The following CDK14 variants were observed in gnomAD, a reference collection of about 807,000 sequenced individuals.
CDK14 encodes cyclin-dependent kinase 14.
CDK14 carries 34 observed loss-of-function variants against 60.7 expected under a neutral mutation model. That is an observed-to-expected ratio of 0.56 (90% CI 0.43 to 0.75). The LOEUF is 0.75. Among genes scored for constraint, CDK14 ranks in the 30% least tolerant of loss-of-function variants. The probability of loss-of-function intolerance (pLI) is 0.00; values close to 1 mark genes in which losing one functional copy is unlikely to be tolerated. For synonymous variants in CDK14, 197 were observed against 203.7 expected, an observed-to-expected ratio of 0.97 and a Z score of 0.28; for missense variants, 482 against 564.1, an observed-to-expected ratio of 0.85 and a Z score of 1.47.
rs369158804 is a variant in CDK14 at position 90,634,167 on chromosome 7, G to T, written c.123+29918G>T. Among the ~76,000 whole-genome samples, 16 of 151,452 alleles carry T rather than the reference G, an allele frequency of 1.1e-4. 1 individual carries two copies. The South Asian group carries it at 3.1e-3, about 30-fold the overall frequency. ...ATTATTATTATACTTTAAGTTTTAG[G>T]GTACATGTGCACAATGTGCAGGTTA... On this transcript the variant is annotated intron_variant, in intron 2 of 14. Transcript: ENST00000380050.
At chr7:90,957,268 C>T (rs569998838) in intron 9 of CDK14, among the ~76,000 whole-genome samples, 50 of 152,186 alleles carry the variant, frequency 3.3e-4, no homozygotes, top group African/African-American at 1.1e-3. Flanking sequence ...ACATCCTCTC[C>T]AGCACCTGTT....
chr7:90,683,897 CGTGTGTGT>C (rs35197919), intron 2 of CDK14, among the ~76,000 whole-genome samples: 1,544 of 145,752 alleles, frequency 0.011, 28 homozygotes, highest in African/African-American at 0.035. Flanking sequence ...AGAAAATGTA[CGTGTGTGT>C]GTGTGTGTGT....
chr7:90,815,284 T>A (rs576507884), intron 5 of CDK14, among the ~76,000 whole-genome samples: 1 of 152,224 alleles, frequency 6.6e-6, no homozygotes, highest in Admixed American at 6.5e-5. Flanking sequence ...TAAGCAGTAA[T>A]GAAAATGGCC....
chr7:90,651,493 C>G (rs1210190480), intron 2 of CDK14, among the ~76,000 whole-genome samples: 5 of 152,082 alleles, frequency 3.3e-5, no homozygotes, highest in Non-Finnish European at 7.4e-5. Flanking sequence ...CTCTGTGACC[C>G]CTTTTTATTT....
intron 2 of CDK14, among the ~76,000 whole-genome samples, chr7:90,705,085 A>C (rs1801869062): frequency 6.6e-6 from 1 of 151,984 alleles, no homozygotes; most frequent in Admixed American, 6.6e-5. Flanking sequence ...TGGAATTATA[A>C]TCATTTGAAA....
intron 14 of CDK14, among the ~76,000 whole-genome samples, chr7:91,179,178 A>T (rs1283398247): frequency 6.6e-6 from 1 of 152,116 alleles, no homozygotes; most frequent in African/African-American, 2.4e-5. Flanking sequence ...GCAGCCATAA[A>T]AAATGATGAG....
rs1802824044 is a variant in CDK14 at position 90,730,601 on chromosome 7, GA to G, written c.369+3790del. 2.0e-5 allele frequency among the ~76,000 whole-genome samples: 3 copies of G among 152,300 alleles called. No individual in the cohort carries two copies. The South Asian group carries it at 6.2e-4, about 32-fold the overall frequency. On this transcript the variant is annotated intron_variant, in intron 3 of 14. Transcript: ENST00000380050. ...TGGTTTTGATTTGCATTTCTCTACT[GA>G]CCAGTGATGATGAGCTTTTTTTCAT...
intron 14 of CDK14, among the ~76,000 whole-genome samples, chr7:91,128,943 CTT>C (rs772751453): frequency 7.2e-5 from 11 of 152,158 alleles, no homozygotes; most frequent in Non-Finnish European, 1.5e-4. Flanking sequence ...TTATCATACT[CTT>C]TGTTGAACGT....
At position 90,985,958 on chromosome 7, in the gene CDK14, G is replaced by T. The variant is rs147371231; in HGVS notation, c.1041+1717G>T. The stretch of plus-strand genomic sequence containing the variant: ...ATTTTTATAATGGAAAATTCCTACA[G>T]TGTCAAAATGAAAAAAAGCTGAAAA... On this transcript the variant is annotated intron_variant, in intron 10 of 14. Transcript: ENST00000380050. 1.1e-4 allele frequency among the ~76,000 whole-genome samples: 17 copies of T among 151,840 alleles called. No individual in the cohort carries two copies. The South Asian group carries it at 3.3e-3, about 30-fold the overall frequency.
chr7:91,055,531 A>C (rs1797521500), intron 11 of CDK14, among the ~76,000 whole-genome samples: 2 of 152,188 alleles, frequency 1.3e-5, no homozygotes, highest in South Asian at 4.1e-4. Context: ...CTGATAGCAG[A>C]CTTATTTTTA....
chr7:91,005,048 T>C (rs891834348), intron 10 of CDK14, among the ~76,000 whole-genome samples: 5 of 152,150 alleles, frequency 3.3e-5, no homozygotes, highest in Non-Finnish European at 7.4e-5. Context: ...GAGAGGTTCA[T>C]TGTGTTACCC....
At chr7:90,846,684 G>C (rs1198129982) in intron 5 of CDK14, among the ~76,000 whole-genome samples, 2 of 152,160 alleles carry the variant, frequency 1.3e-5, no homozygotes, top group Non-Finnish European at 2.9e-5. Context: ...GAAATGGGTA[G>C]GTGTGGCCAA....
At chr7:91,161,667 T>A (rs529319084) in intron 14 of CDK14, among the ~76,000 whole-genome samples, 2 of 152,208 alleles carry the variant, frequency 1.3e-5, no homozygotes, top group East Asian at 3.8e-4. Flanking sequence ...CTTTACTGTT[T>A]CAAAACATTT....
chr7:90,851,195 A>T (rs569779261), intron 5 of CDK14, among the ~76,000 whole-genome samples: 2 of 152,196 alleles, frequency 1.3e-5, no homozygotes, highest in African/African-American at 2.4e-5. Context: ...ATTGTCCTCA[A>T]TGGTCAAATA....
intron 14 of CDK14, among the ~76,000 whole-genome samples, chr7:91,163,847 A>G (rs1315248890): frequency 6.6e-6 from 1 of 152,196 alleles, no homozygotes; most frequent in African/African-American, 2.4e-5. Context: ...GGAAAAATTG[A>G]GTTTGTAACA....
intron 4 of CDK14, among the ~76,000 whole-genome samples, chr7:90,763,276 G>C (rs761714008): frequency 6.6e-6 from 1 of 152,100 alleles, no homozygotes; most frequent in Non-Finnish European, 1.5e-5. Context: ...CTAAGGATTC[G>C]ATGATCTGAT....
At chr7:90,601,769 A>G (rs1799317810) in intron 1 of CDK14, among the ~76,000 whole-genome samples, 1 of 151,872 alleles carries the variant, frequency 6.6e-6, no homozygotes, top group Non-Finnish European at 1.5e-5. Flanking sequence ...TTTTGGCGGC[A>G]GAGGAACAGG....
At position 90,924,802 on chromosome 7, in the gene CDK14, T is replaced by C. The variant is rs187524963; in HGVS notation, c.826+7078T>C. On this transcript the variant is annotated intron_variant, in intron 8 of 14. Coordinates refer to ENST00000380050, the MANE Select transcript of CDK14 (RefSeq NM_001287135.2). ...CTTCCTTTTTTCCCTAGTTTCTTTTTTAAAAAACCTGCCATATGTTGGTTT... is the reference window on the plus strand; with the variant it reads ...CTTCCTTTTTTCCCTAGTTTCTTTTCTAAAAAACCTGCCATATGTTGGTTT... Among the ~76,000 whole-genome samples the C allele has an allele frequency of 6.6e-4, 101 of 152,152 alleles. 1 individual carries two copies. The highest frequency in any genetic ancestry group is 2.4e-3 in the African/African-American group (99 of 41,456).
chr7:90,892,415 G>A (rs1330924989), intron 6 of CDK14, among the ~76,000 whole-genome samples: 4 of 152,184 alleles, frequency 2.6e-5, no homozygotes, highest in Non-Finnish European at 5.9e-5. Flanking sequence ...ACTAAGATGA[G>A]TCAGTATAGT....
Sources: gnomAD v4.1 joint callset for allele counts (sites outside exome capture counted in the v4.1 genomes callset) on GRCh38, gnomAD v4.1.1 for gene constraint, MANE v1.5 for transcripts, NCBI Gene and HGNC (gene_info 2026-07-23, HGNC 2026-07-21) for gene names.